Variants in NSD1 observed in about 807,000 individuals in gnomAD.
NSD1 encodes nuclear receptor binding SET domain protein 1, also known as histone-lysine N-methyltransferase, H3 lysine-36 specific.
A neutral mutation model predicts 242.7 loss-of-function variants in NSD1; 26 were observed. The ratio of observed to expected loss-of-function variants is 0.11; its 90% CI spans 0.08 to 0.15. NSD1 has a LOEUF of 0.15. NSD1 is among the 10% of genes least tolerant of loss of function. The probability of loss-of-function intolerance (pLI) is 1.00; values close to 1 mark genes in which losing one functional copy is unlikely to be tolerated. For synonymous variants in NSD1, 1,106 were observed against 1,178.1 expected, an observed-to-expected ratio of 0.94 and a Z score of 1.25; for missense variants, 2,495 against 3,272.8, an observed-to-expected ratio of 0.76 and a Z score of 5.80.
chr5:177,281,604 ATG>A (rs1758889010), intron 18 of NSD1, among the ~76,000 whole-genome samples: 1 of 152,102 alleles, frequency 6.6e-6, no homozygotes. Context: ...GGCTCTAGAG[ATG>A]TGTGACAAAG....
chr5:177,230,288 G>T (rs2336405), intron 5 of NSD1, among the ~76,000 whole-genome samples: 54,613 of 151,716 alleles, frequency 0.36, 13,107 homozygotes, highest in African/African-American at 0.68. Context: ...GTTGGTAGAC[G>T]TTTCTACCAA....
At position 177,159,017 on chromosome 5, in the gene NSD1, TATATATATGAATG is replaced by T. The variant is rs1231026222; in HGVS notation, c.927+22996_927+23008del. On this transcript the variant is annotated intron_variant, in intron 2 of 22. Coordinates refer to ENST00000439151, the MANE Select transcript of NSD1 (RefSeq NM_022455.5). ...ATGATTTTATATATATATATATATA[TATATATATGAATG>T]ATATATATATATATATATGAATGAA... is the stretch of plus-strand genomic sequence containing the variant. 7.4e-3 allele frequency among the ~76,000 whole-genome samples: 896 copies of T among 121,290 alleles called. 8 individuals are homozygous for T. The highest frequency in any genetic ancestry group is 0.012 in the Non-Finnish European group (708 of 60,654). The allele number at this position is 121,290 out of a possible 152,430, so 79.6% of individuals were successfully genotyped here.
At chr5:177,240,182 A>G (rs149212074) in intron 8 of NSD1, among the ~76,000 whole-genome samples, 13 of 152,178 alleles carry the variant, frequency 8.5e-5, no homozygotes, top group African/African-American at 2.4e-4. Context: ...CTAAACTACT[A>G]TCTCAAATAT....
intron 2 of NSD1, among the ~76,000 whole-genome samples, chr5:177,178,463 T>A (rs553037410): frequency 6.6e-6 from 1 of 152,272 alleles, no homozygotes; most frequent in African/African-American, 2.4e-5. Context: ...CGACCTTAGG[T>A]GATCCACCTG....
rs752196837 is a variant in NSD1, at chr5:177,191,870, T to A, written c.928-14T>A. 1.9e-6 allele frequency: 3 copies of A among 1,613,792 alleles called. 1 individual carries two copies. The South Asian group carries it at 3.3e-5, about 18-fold the overall frequency. On this transcript the variant is annotated splice_polypyrimidine_tract_variant and intron_variant, in intron 2 of 22. Transcript: ENST00000439151. ...TTGATTCTTATTGATGCCCCATGTT[T>A]TGTCTGTCTAAAGTGTCAACCTAAG...
Position 177,151,709 on chromosome 5 carries a change from T to A in NSD1, c.927+15679T>A, listed in dbSNP as rs569427938. ...TGTCCTTTTTTTTTTTTTTATCTTT[T>A]GAGACAGGGTCTCACTCTGTTGGCT... On this transcript the variant is annotated intron_variant, in intron 2 of 22. Coordinates refer to ENST00000439151, the MANE Select transcript of NSD1 (RefSeq NM_022455.5). Among the ~76,000 whole-genome samples the A allele has an allele frequency of 2.6e-5, 4 of 151,404 alleles. No homozygotes were observed. In the East Asian group the frequency reaches 7.9e-4, roughly 30 times the overall value.
chr5:177,264,335 GT>G (rs1484060663), intron 14 of NSD1, among the ~76,000 whole-genome samples: 2 of 152,128 alleles, frequency 1.3e-5, no homozygotes, highest in Non-Finnish European at 2.9e-5. Flanking sequence ...GTCATTTTAA[GT>G]TTAGTGACAT....
At chr5:177,235,777 C>T in intron 5 of NSD1, 44 bp from the exon 6 acceptor site, 1 of 1,613,350 alleles carries the variant, frequency 6.2e-7, no homozygotes, top group Non-Finnish European at 8.5e-7. Context: ...GTGGGTTTTC[C>T]TGAAGCTTTT....
chr5:177,236,807 T>C lies in NSD1; in HGVS notation c.3921+862T>C, dbSNP rs11960824. On this transcript the variant is annotated intron_variant, in intron 6 of 22. Coordinates refer to ENST00000439151, the MANE Select transcript of NSD1 (RefSeq NM_022455.5). ...TATTGTACATTAGAGGGTTAAAAAA[T>C]GTTTTATTCCCATCAGCCATTCCCT... Among the ~76,000 whole-genome samples, 650 of 152,320 alleles carry C rather than the reference T, an allele frequency of 4.3e-3. 3 individuals are homozygous for C. Among genetic ancestry groups the C allele is most frequent in the African/African-American group, 0.014 (595 of 41,570 alleles).
At chr5:177,196,891 T>A (rs1762138612) in intron 3 of NSD1, among the ~76,000 whole-genome samples, 1 of 152,204 alleles carries the variant, frequency 6.6e-6, no homozygotes, top group Admixed American at 6.5e-5. Context: ...TCTCAGTGGA[T>A]GCCTGAAACT....
chr5:177,138,114 C>A (rs74551837), intron 2 of NSD1, among the ~76,000 whole-genome samples: 4,589 of 143,312 alleles, frequency 0.032, 81 homozygotes, highest in African/African-American at 0.049. Context: ...AACAAACAAA[C>A]AAAAAACTGA....
intron 21 of NSD1, among the ~76,000 whole-genome samples, chr5:177,289,891 A>C (rs183892894): frequency 3.3e-5 from 5 of 149,386 alleles, no homozygotes; most frequent in East Asian, 2.0e-4. Flanking sequence ...GCAGTGGCGC[A>C]ATCTCGGCTC....
chr5:177,160,140 C>T (rs577294293), intron 2 of NSD1, among the ~76,000 whole-genome samples: 2 of 152,176 alleles, frequency 1.3e-5, no homozygotes, highest in South Asian at 4.2e-4. Flanking sequence ...ATGTGCCTGC[C>T]TCCGCCTTCC....
intron 2 of NSD1, among the ~76,000 whole-genome samples, chr5:177,181,842 T>C (rs1258597304): frequency 6.7e-6 from 1 of 148,206 alleles, no homozygotes; most frequent in Non-Finnish European, 1.5e-5. Flanking sequence ...TTTGAGGCCA[T>C]CCGGGGAAAC....
chr5:177,184,591 C>T (rs1157410040), intron 2 of NSD1, among the ~76,000 whole-genome samples: 1 of 151,982 alleles, frequency 6.6e-6, no homozygotes, highest in East Asian at 1.9e-4. Context: ...TGCAGTGGGG[C>T]AGTCATGGCT....
chr5:177,246,574 G>T lies in NSD1; in HGVS notation c.4379-104G>T, dbSNP rs1766312100. On this transcript the variant is annotated intron_variant, in intron 9 of 22. Coordinates refer to ENST00000439151, the MANE Select transcript of NSD1 (RefSeq NM_022455.5). ...CGTTTTCCTAATCCACAAAGCTGGA[G>T]AATTAAATGAGTTTTAAGGTTGGTT... 22 of 801,412 alleles carry T rather than the reference G, an allele frequency of 2.7e-5. 1 individual carries two copies. In the Middle Eastern group the frequency reaches 6.8e-4, roughly 25 times the overall value. 49.6% of individuals were successfully genotyped at this position (801,412 alleles called of 1,614,324 possible).
chr5:177,250,997 C>G (rs1755903401), intron 11 of NSD1, among the ~76,000 whole-genome samples: 1 of 152,120 alleles, frequency 6.6e-6, no homozygotes. Flanking sequence ...TGAGACCAGC[C>G]TGGCCAACGT....
intron 2 of NSD1, among the ~76,000 whole-genome samples, chr5:177,172,670 A>G (rs1490304542): frequency 3.3e-5 from 5 of 152,162 alleles, no homozygotes; most frequent in Admixed American, 3.3e-4. Flanking sequence ...AAAGGAAAAT[A>G]TTTTGAGGCC....
At chr5:177,266,753 G>C (rs1385366152) in intron 14 of NSD1, 4 of 257,114 alleles carry the variant, frequency 1.6e-5, no homozygotes, top group Non-Finnish European at 3.0e-5. Context: ...TTACATGTTT[G>C]AGTCTAGCAT....
Sources: allele counts gnomAD v4.1 joint callset (sites outside exome capture counted in the v4.1 genomes callset), GRCh38; gene constraint gnomAD v4.1.1; transcripts MANE v1.5; gene names NCBI Gene and HGNC (gene_info 2026-07-23, HGNC 2026-07-21).